Variants in XPO7 observed in about 807,000 individuals in gnomAD.
The protein encoded by XPO7 is exportin-7.
Under a neutral mutation model 144.3 loss-of-function variants are expected in XPO7, and 21 were observed. The ratio of observed to expected loss-of-function variants is 0.15; its 90% CI spans 0.10 to 0.21. The LOEUF is 0.21. Among genes scored for constraint, XPO7 ranks in the 10% least tolerant of loss-of-function variants. XPO7 has a pLI of 1.00. For synonymous variants in XPO7, 580 were observed against 499.6 expected, an observed-to-expected ratio of 1.16 and a Z score of -2.15; for missense variants, 808 against 1,325.8, an observed-to-expected ratio of 0.61 and a Z score of 6.06.
chr8:21,928,491 T>C (rs1472663897), intron 1 of XPO7, among the ~76,000 whole-genome samples: 2 of 152,256 alleles, frequency 1.3e-5, no homozygotes, highest in Non-Finnish European at 2.9e-5. Context: ...TTTACATTTT[T>C]AAAGAAACTG....
At position 21,998,827 on chromosome 8, in the gene XPO7, A is replaced by G. The variant is rs558396088; in HGVS notation, c.2418A>G (p.Ile806Met). 1.2e-6 allele frequency: 2 copies of G among 1,613,970 alleles called. No individual in the cohort carries two copies. Among genetic ancestry groups the G allele is most frequent in the African/African-American group, 1.3e-5 (1 of 75,036 alleles). The change falls in exon 22 of 28, where the codon ATA (isoleucine) becomes ATG (methionine). Residue 806 changes from isoleucine (I) to methionine (M), a missense_variant. By Grantham distance (10) the Ile-to-Met change is conservative. Transcript: ENST00000252512. Reference protein sequence around the residue: ...ILLFRETSKMITMYGNRILTL... With the variant: ...ILLFRETSKMMTMYGNRILTL... ...TCTTCCGAGAAACCAGCAAGATGATAACAATGTATGGTAAGTGCTTCAGAT... is the reference window on the plus strand; with the variant it reads ...TCTTCCGAGAAACCAGCAAGATGATGACAATGTATGGTAAGTGCTTCAGAT...
intron 20 of XPO7, among the ~76,000 whole-genome samples, chr8:21,994,854 C>T (rs904877659): frequency 1.3e-5 from 2 of 152,026 alleles, no homozygotes; most frequent in African/African-American, 4.8e-5. Flanking sequence ...GAGATCGAGA[C>T]CATCCTGGCT....
At chr8:21,981,553 T>C (rs1812411647) in intron 9 of XPO7, among the ~76,000 whole-genome samples, 178 bp from the exon 10 acceptor site, 1 of 152,224 alleles carries the variant, frequency 6.6e-6, no homozygotes, top group Non-Finnish European at 1.5e-5. Flanking sequence ...CTTTTCAAAG[T>C]GACTTTAAAA....
chr8:21,982,061 A>G (rs1448641796), intron 10 of XPO7, among the ~76,000 whole-genome samples, 184 bp downstream of exon 10: 1 of 152,164 alleles, frequency 6.6e-6, no homozygotes, highest in Non-Finnish European at 1.5e-5. Context: ...TAGTGTGGGG[A>G]GAGGAACATG....
intron 15 of XPO7, chr8:21,988,391 T>G (rs1343330551): frequency 6.4e-6 from 1 of 157,154 alleles, no homozygotes; most frequent in African/African-American, 2.4e-5. Context: ...TTTTATTTTT[T>G]TTTTTACGTT....
rs532855783 is a variant in XPO7, at chr8:21,922,595, A to G, written c.18+2807A>G. Among the ~76,000 whole-genome samples the G allele has an allele frequency of 2.0e-5, 3 of 152,256 alleles. No homozygotes were observed. In the East Asian group the frequency reaches 5.8e-4, roughly 29 times the overall value. Reference sequence around the variant, plus strand: ...AAAGCTGGTAAGTTATCGCAAAGAGATGAAGACAACGCTCAGTGAACAGTG... The same window carrying G: ...AAAGCTGGTAAGTTATCGCAAAGAGGTGAAGACAACGCTCAGTGAACAGTG... On this transcript the variant is annotated intron_variant, in intron 1 of 27. Transcript: ENST00000252512.
chr8:21,955,210 G>A (rs1388626779), intron 1 of XPO7, among the ~76,000 whole-genome samples: 1 of 129,998 alleles, frequency 7.7e-6, no homozygotes, highest in East Asian at 2.4e-4. Flanking sequence ...TATTGTCCAT[G>A]CAGAATCAAT....
Position 21,991,372 on chromosome 8 carries a change from A to T in XPO7, c.2041+453A>T, listed in dbSNP as rs10503713. Among the ~76,000 whole-genome samples the T allele has an allele frequency of 8.3e-3, 1,270 of 152,298 alleles. 17 individuals carry two copies. Among genetic ancestry groups the T allele is most frequent in the African/African-American group, 0.029 (1,215 of 41,558 alleles). ...TATTAGCAGTTTCAGGTCAGTTAAT[A>T]ACTAAAGCTCAGTGGTATTACTCTA... is the stretch of plus-strand genomic sequence containing the variant. On this transcript the variant is annotated intron_variant, in intron 18 of 27. Coordinates refer to ENST00000252512, the MANE Select transcript of XPO7 (RefSeq NM_015024.5).
chr8:21,946,775 C>G (rs528012372), intron 1 of XPO7, among the ~76,000 whole-genome samples: 2 of 151,322 alleles, frequency 1.3e-5, no homozygotes, highest in African/African-American at 4.9e-5. Context: ...TTTTAAAACT[C>G]ATACCTACAC....
chr8:21,990,690 T>A (rs879039000), intron 17 of XPO7, 121 bp from the exon 18 acceptor site: 1 of 1,025,380 alleles, frequency 9.8e-7, no homozygotes, highest in Non-Finnish European at 1.4e-6. Flanking sequence ...AACCTTCAGA[T>A]CCTCAAGGAA....
At chr8:21,963,828 T>C (rs1811803815) in intron 1 of XPO7, among the ~76,000 whole-genome samples, 1 of 152,222 alleles carries the variant, frequency 6.6e-6, no homozygotes, top group African/African-American at 2.4e-5. Context: ...TTTCCCCTAA[T>C]CTAGAGGCAC....
chr8:21,930,896 C>A (rs185675695), intron 1 of XPO7, among the ~76,000 whole-genome samples: 1 of 152,126 alleles, frequency 6.6e-6, no homozygotes, highest in Non-Finnish European at 1.5e-5. Context: ...TGCAGTGTTG[C>A]GATCTCCGAT....
intron 11 of XPO7, 66 bp from the exon 12 acceptor site, chr8:21,984,580 T>A: frequency 7.1e-7 from 1 of 1,415,612 alleles, no homozygotes; most frequent in Non-Finnish European, 9.5e-7. Context: ...GTCAGAGAGC[T>A]GCTATATTGG....
chr8:21,990,765 T>G, intron 17 of XPO7, 46 bp from the exon 18 acceptor site: 1 of 1,586,852 alleles, frequency 6.3e-7, no homozygotes, highest in Non-Finnish European at 8.6e-7. Context: ...GCATTCTGCC[T>G]CTAACTCATG....
In XPO7 at chr8:21,977,912, T is replaced by C. The variant is rs947536724; in HGVS notation, c.837+69T>C. ...AGATAGCAATGGTGAATGAACCTTATATTCGTTTTGTTTTATAAAATTATA... is the reference window on the plus strand; with the variant it reads ...AGATAGCAATGGTGAATGAACCTTACATTCGTTTTGTTTTATAAAATTATA... On this transcript the variant is annotated intron_variant, in intron 8 of 27. Transcript: ENST00000252512. The C allele has an allele frequency of 2.5e-5, 34 of 1,360,096 alleles. No homozygotes were observed. In the Admixed American group the frequency reaches 4.4e-4, roughly 17 times the overall value. 84.3% of individuals were successfully genotyped at this position (1,360,096 alleles called of 1,614,324 possible).
intron 16 of XPO7, among the ~76,000 whole-genome samples, chr8:21,990,090 C>T (rs563014326): frequency 3.9e-5 from 6 of 152,012 alleles, no homozygotes; most frequent in Admixed American, 2.0e-4. Flanking sequence ...ACCTCGTGAT[C>T]TGCCCTCCTC....
intron 1 of XPO7, among the ~76,000 whole-genome samples, chr8:21,957,162 G>T (rs538237607): frequency 2.0e-5 from 3 of 152,080 alleles, no homozygotes; most frequent in Admixed American, 6.5e-5. Context: ...GAAATTTCTC[G>T]GTGGATCCTA....
chr8:21,981,991 G>A, intron 10 of XPO7, 114 bp downstream of exon 10: 7 of 1,382,910 alleles, frequency 5.1e-6, no homozygotes, highest in Admixed American at 2.0e-5. Flanking sequence ...CATAAGTCCA[G>A]TATAGCCCTA....
At chr8:21,966,621 A>G (rs1256553708) in intron 1 of XPO7, among the ~76,000 whole-genome samples, 1 of 109,454 alleles carries the variant, frequency 9.1e-6, no homozygotes, top group Non-Finnish European at 1.9e-5. Flanking sequence ...TTGATCCTCA[A>G]GGGAATGATG....
Sources: gnomAD v4.1 joint callset for allele counts (sites outside exome capture counted in the v4.1 genomes callset) on GRCh38, gnomAD v4.1.1 for gene constraint, MANE v1.5 for transcripts, NCBI Gene and HGNC (gene_info 2026-07-23, HGNC 2026-07-21) for gene names.